CADM2: variants seen among roughly 807,000 people sequenced by gnomAD.
The protein encoded by CADM2 is immunoglobulin superfamily member 4D.
Under a neutral mutation model 49.8 loss-of-function variants are expected in CADM2, and 12 were observed. The ratio of observed to expected loss-of-function variants is 0.24; its 90% CI spans 0.15 to 0.39. CADM2 has a LOEUF of 0.39. Among genes scored for constraint, CADM2 ranks in the 10% least tolerant of loss-of-function variants. The pLI is 1.00. For synonymous variants in CADM2, 214 were observed against 175.4 expected (o/e 1.22, Z -1.74); for missense variants, 378 against 492.3 (o/e 0.77, Z 2.20).
At chr3:85,585,576 G>A (rs1412252431) in intron 1 of CADM2, among the ~76,000 whole-genome samples, 2 of 151,754 alleles carry the variant, frequency 1.3e-5, no homozygotes, top group African/African-American at 4.8e-5. Flanking sequence ...TATTGGATTG[G>A]GTACTATCTG....
At chr3:85,668,723 T>TA (rs766502048) in intron 1 of CADM2, among the ~76,000 whole-genome samples, 6 of 152,168 alleles carry the variant, frequency 3.9e-5, no homozygotes, top group Non-Finnish European at 8.8e-5. Context: ...GTAAGTCCAT[T>TA]AAACCTCTTT....
At chr3:85,511,420 A>T (rs1289195369) in intron 1 of CADM2, among the ~76,000 whole-genome samples, 2 of 152,070 alleles carry the variant, frequency 1.3e-5, no homozygotes, top group African/African-American at 4.8e-5. Context: ...CCTGATTCTA[A>T]ACAGACCTGT....
At chr3:85,816,865 T>C (rs1475383905) in intron 3 of CADM2, among the ~76,000 whole-genome samples, 2 of 152,324 alleles carry the variant, frequency 1.3e-5, no homozygotes, top group Middle Eastern at 6.8e-3. Flanking sequence ...TTGATTTTCT[T>C]CAGTTATTTT....
intron 7 of CADM2, among the ~76,000 whole-genome samples, chr3:85,940,162 TA>T (rs1721699300): frequency 1.8e-4 from 1 of 5,498 alleles, no homozygotes; most frequent in African/African-American, 5.9e-4. Context: ...CTACTAAAAA[TA>T]CAAAAAAAAA....
Position 85,650,074 on chromosome 3 carries a change from AT to A in CADM2, c.62-76441del, listed in dbSNP as rs1011307594. ...GCATATTCTGCTCTTTAAGGTGGTC[AT>A]TTTTTTGTGGCTACATATTTTATCT... On this transcript the variant is annotated intron_variant, in intron 1 of 9. Transcript: ENST00000383699. Among the ~76,000 whole-genome samples, 6 of 152,098 alleles carry A rather than the reference AT, an allele frequency of 3.9e-5. No individual in the cohort carries two copies. The South Asian group carries it at 1.0e-3, about 26-fold the overall frequency.
chr3:85,503,961 T>C (rs1433612922), intron 1 of CADM2, among the ~76,000 whole-genome samples: 1 of 152,200 alleles, frequency 6.6e-6, no homozygotes, highest in East Asian at 1.9e-4. Flanking sequence ...TGTGATCCAT[T>C]AGTGAATTAC....
intron 1 of CADM2, among the ~76,000 whole-genome samples, chr3:85,281,713 C>G (rs1012529473): frequency 6.6e-6 from 1 of 152,054 alleles, no homozygotes; most frequent in Non-Finnish European, 1.5e-5. Flanking sequence ...CTAAATCTAT[C>G]TTAGAAAAAT....
At chr3:85,512,256 G>A (rs2040653552) in intron 1 of CADM2, among the ~76,000 whole-genome samples, 1 of 152,068 alleles carries the variant, frequency 6.6e-6, no homozygotes. Flanking sequence ...TTATAAGTGA[G>A]AACAGGCTAT....
At chr3:85,420,887 AC>A (rs1383547430) in intron 1 of CADM2, among the ~76,000 whole-genome samples, 1 of 152,092 alleles carries the variant, frequency 6.6e-6, no homozygotes, top group Non-Finnish European at 1.5e-5. Flanking sequence ...TTTTTTTAAG[AC>A]AAGGTAAAAA....
At chr3:85,302,073 A>G (rs1262842656) in intron 1 of CADM2, among the ~76,000 whole-genome samples, 1 of 152,058 alleles carries the variant, frequency 6.6e-6, no homozygotes, top group Non-Finnish European at 1.5e-5. Flanking sequence ...AATATGTGTC[A>G]TTGTTATTCA....
rs138726875 is a variant in CADM2 at position 85,563,411 on chromosome 3, T to TGTGGG, written c.62-163110_62-163109insTGGGG. Among the ~76,000 whole-genome samples, 549 of 142,138 alleles carry TGTGGG rather than the reference T, an allele frequency of 3.9e-3. 21 individuals are homozygous for TGTGGG. The highest frequency in any genetic ancestry group is 9.3e-3 in the East Asian group (43 of 4,604). The allele number at this position is 142,138 out of a possible 152,430, so 93.2% of individuals were successfully genotyped here. A position where few individuals can be genotyped will look rare whatever the true frequency, so the allele number is the denominator to read the frequency against. On this transcript the variant is annotated intron_variant, in intron 1 of 9. Transcript: ENST00000383699. ...AAAACAGGGAATTTTTGTGTGTGTGTGGGGGGGTGGTAATTTAGCTAAAAT... is the reference window on the plus strand; with the variant it reads ...AAAACAGGGAATTTTTGTGTGTGTGTGTGGGGGGGGGGTGGTAATTTAGCTAAAAT...
chr3:85,637,451 A>C (rs1035480234), intron 1 of CADM2, among the ~76,000 whole-genome samples: 13 of 145,482 alleles, frequency 8.9e-5, no homozygotes, highest in Non-Finnish European at 1.5e-4. Context: ...AAATATAAAA[A>C]ATTAGCTGGG....
chr3:85,335,888 G>A (rs1487100491), intron 1 of CADM2, among the ~76,000 whole-genome samples: 3 of 151,338 alleles, frequency 2.0e-5, no homozygotes, highest in African/African-American at 7.3e-5. Context: ...CCTAGGCAGT[G>A]CAAAGTAAAG....
chr3:85,443,640 T>C (rs2037310367), intron 1 of CADM2, among the ~76,000 whole-genome samples: 1 of 152,166 alleles, frequency 6.6e-6, no homozygotes, highest in Non-Finnish European at 1.5e-5. Flanking sequence ...TGCAGTTTTC[T>C]ACACAACTGA....
chr3:84,995,643 A>C (rs2107194094), intron 1 of CADM2, among the ~76,000 whole-genome samples: 1 of 152,284 alleles, frequency 6.6e-6, no homozygotes, highest in East Asian at 1.9e-4. Context: ...GTGCCTAAGT[A>C]CTTGCCTACA....
intron 1 of CADM2, among the ~76,000 whole-genome samples, chr3:85,115,207 A>C (rs562042849): frequency 6.6e-6 from 1 of 152,286 alleles, no homozygotes; most frequent in Non-Finnish European, 1.5e-5. Flanking sequence ...GATCTACCTT[A>C]ACTTATTCCT....
rs17022740 is a variant in CADM2, at chr3:85,390,713, A to G, written c.62-335809A>G. 9.5e-3 allele frequency among the ~76,000 whole-genome samples: 1,448 copies of G among 152,162 alleles called. 10 individuals carry two copies. The highest frequency in any genetic ancestry group is 0.016 in the Non-Finnish European group (1,079 of 67,924). ...TAAAATGCATTTCAGTTCATAGCCA[A>G]CACATAAATAATCTCTGCTCTACTG... On this transcript the variant is annotated intron_variant, in intron 1 of 9. Transcript: ENST00000383699.
chr3:85,475,196 G>A (rs1365786983), intron 1 of CADM2, among the ~76,000 whole-genome samples: 2 of 151,894 alleles, frequency 1.3e-5, no homozygotes, highest in South Asian at 2.1e-4. Context: ...TGTTGGAATA[G>A]TGAGCATAAA....
chr3:85,916,288 G>A (rs12714642), intron 6 of CADM2, among the ~76,000 whole-genome samples: 105,321 of 150,544 alleles, frequency 0.7, 38,437 homozygotes, highest in African/African-American at 0.92. Context: ...GTCATTTAGC[G>A]TTAGGTATAT....
Sources: allele counts gnomAD v4.1 joint callset (sites outside exome capture counted in the v4.1 genomes callset), GRCh38; gene constraint gnomAD v4.1.1; transcripts MANE v1.5; gene names NCBI Gene and HGNC (gene_info 2026-07-23, HGNC 2026-07-21).